PLD5: variants seen among roughly 807,000 people sequenced by gnomAD.
The protein encoded by PLD5 is phospholipase D family member 5.
In PLD5, 36 loss-of-function variants were observed where a neutral mutation model predicts 61.1. That is an observed-to-expected ratio of 0.59 (90% CI 0.45 to 0.78). The LOEUF (loss-of-function observed/expected upper bound fraction) is 0.78. PLD5 is among the 30% of genes least tolerant of loss of function. The pLI is 0.00. For missense variants in PLD5, 515 were observed against 644.4 expected (o/e 0.80, Z 2.17); for synonymous variants, 243 against 242.8 (o/e 1.00, Z -0.01).
At chr1:242,220,162 C>T in intron 4 of PLD5, 47 bp from the exon 5 acceptor site, 1 of 1,600,210 alleles carries the variant, frequency 6.2e-7, no homozygotes, top group Non-Finnish European at 8.6e-7. Flanking sequence ...CAAGGCCCTG[C>T]CTGGGCTGTC....
At chr1:242,344,166 T>C (rs1401910347) in intron 2 of PLD5, among the ~76,000 whole-genome samples, 1 of 152,244 alleles carries the variant, frequency 6.6e-6, no homozygotes, top group Non-Finnish European at 1.5e-5. Context: ...TTAATTTTTG[T>C]TGCTATTTCC....
At chr1:242,199,403 C>G (rs887059467) in intron 5 of PLD5, among the ~76,000 whole-genome samples, 6 of 151,510 alleles carry the variant, frequency 4.0e-5, no homozygotes, top group Non-Finnish European at 7.4e-5. Context: ...TACAGGCGCC[C>G]GCCACCACGC....
At chr1:242,302,829 C>G (rs1407678891) in intron 2 of PLD5, among the ~76,000 whole-genome samples, 1 of 152,108 alleles carries the variant, frequency 6.6e-6, no homozygotes, top group Non-Finnish European at 1.5e-5. Flanking sequence ...GTTTTTTCTT[C>G]TTCTTAATCT....
At chr1:242,225,762 G>A (rs772310597) in intron 4 of PLD5, among the ~76,000 whole-genome samples, 2 of 152,246 alleles carry the variant, frequency 1.3e-5, no homozygotes, top group Admixed American at 6.5e-5. Context: ...ACCACAGTTT[G>A]CTTATCCATT....
rs76363637 is a variant in PLD5 at position 242,255,625 on chromosome 1, C to T, written c.607+9712G>A. On this transcript the variant is annotated intron_variant, in intron 4 of 9. Coordinates refer to ENST00000536534, the MANE Select transcript of PLD5 (RefSeq NM_001372062.1). ...AAAAAATTACACATGCTTCTATGCT[C>T]AGATTTAGGAATATATTTTCCCTTT... is the stretch of plus-strand genomic sequence containing the variant. Among the ~76,000 whole-genome samples the T allele has an allele frequency of 7.2e-5, 11 of 152,302 alleles. No individual in the cohort carries two copies. The East Asian group carries it at 2.1e-3, about 29-fold the overall frequency.
chr1:242,476,612 A>G (rs1434164684), intron 1 of PLD5, among the ~76,000 whole-genome samples: 3 of 152,090 alleles, frequency 2.0e-5, no homozygotes, highest in African/African-American at 7.2e-5. Context: ...AGACAGCACT[A>G]AGATCTACAT....
At chr1:242,252,483 T>C (rs34917225) in intron 4 of PLD5, among the ~76,000 whole-genome samples, 26,814 of 152,036 alleles carry the variant, frequency 0.18, 2,433 homozygotes, top group South Asian at 0.25. Flanking sequence ...GAGGCCAAGG[T>C]GGGAGGATGG....
intron 1 of PLD5, among the ~76,000 whole-genome samples, chr1:242,399,419 A>G (rs2809985): frequency 0.43 from 64,787 of 152,068 alleles, 14,278 homozygotes; most frequent in African/African-American, 0.54. Context: ...TTCCAAGTAA[A>G]TGCATTCTGG....
chr1:242,386,682 A>G (rs941427793), intron 1 of PLD5, among the ~76,000 whole-genome samples: 4 of 152,218 alleles, frequency 2.6e-5, no homozygotes, highest in African/African-American at 9.6e-5. Context: ...GGCTAAAAAA[A>G]CAGATCAATA....
chr1:242,489,365 TAC>T (rs1287238873), intron 1 of PLD5, among the ~76,000 whole-genome samples: 1 of 123,254 alleles, frequency 8.1e-6, no homozygotes, highest in Non-Finnish European at 1.8e-5. Context: ...CACACCTCGA[TAC>T]ATTTGATTAA....
At chr1:242,137,135 C>T (rs894360887) in intron 5 of PLD5, among the ~76,000 whole-genome samples, 6 of 152,290 alleles carry the variant, frequency 3.9e-5, no homozygotes, top group South Asian at 4.1e-4. Flanking sequence ...ACACATAGCC[C>T]TCCTGGGCAA....
intron 2 of PLD5, among the ~76,000 whole-genome samples, chr1:242,334,600 A>C (rs1164811437): frequency 9.2e-5 from 14 of 152,132 alleles, no homozygotes; most frequent in Non-Finnish European, 1.5e-5. Flanking sequence ...CCCTGGGAGC[A>C]TAAAAATCAG....
chr1:242,171,981 AAT>A (rs1480698974), intron 5 of PLD5, among the ~76,000 whole-genome samples: 3 of 152,228 alleles, frequency 2.0e-5, no homozygotes, highest in Non-Finnish European at 4.4e-5. Context: ...ATATTAGACC[AAT>A]GAGACAGAAA....
At chr1:242,447,845 T>A (rs188819033) in intron 1 of PLD5, among the ~76,000 whole-genome samples, 10 of 152,322 alleles carry the variant, frequency 6.6e-5, no homozygotes, top group African/African-American at 2.4e-4. Context: ...ATGCGTATGT[T>A]TATGCCCATG....
At chr1:242,155,288 C>A (rs1386961791) in intron 5 of PLD5, among the ~76,000 whole-genome samples, 1 of 151,840 alleles carries the variant, frequency 6.6e-6, no homozygotes, top group African/African-American at 2.4e-5. Context: ...CTGATCTTTT[C>A]AAAAAAACCA....
In PLD5 at chr1:242,393,786, G is replaced by A. The variant is rs61848726; in HGVS notation, c.190-45544C>T. Among the ~76,000 whole-genome samples, 563 of 148,336 alleles carry A rather than the reference G, an allele frequency of 3.8e-3. 6 individuals are homozygous for A. The highest frequency in any genetic ancestry group is 5.4e-3 in the Non-Finnish European group (361 of 67,400). On this transcript the variant is annotated intron_variant, in intron 1 of 9. Coordinates refer to ENST00000536534, the MANE Select transcript of PLD5 (RefSeq NM_001372062.1). ...TATATAAGTATTTTTAGGCAGGGCC[G>A]CAGTGGCTCACGCCTGTATTCTCAG...
At chr1:242,139,159 C>G (rs965907292) in intron 5 of PLD5, among the ~76,000 whole-genome samples, 2 of 152,102 alleles carry the variant, frequency 1.3e-5, no homozygotes, top group South Asian at 4.1e-4. Context: ...TCAGTAACCC[C>G]AGGTCTGCCT....
At chr1:242,100,146 A>C (rs1660573548) in intron 9 of PLD5, among the ~76,000 whole-genome samples, 1 of 152,234 alleles carries the variant, frequency 6.6e-6, no homozygotes. Context: ...TACTATTATT[A>C]ACCCCATCTT....
intron 2 of PLD5, among the ~76,000 whole-genome samples, chr1:242,311,787 T>C (rs1676712167): frequency 6.6e-6 from 1 of 152,196 alleles, no homozygotes; most frequent in South Asian, 2.1e-4. Context: ...TCATTGTTTC[T>C]TCAAATAATC....
Sources: allele counts gnomAD v4.1 joint callset (sites outside exome capture counted in the v4.1 genomes callset), GRCh38; gene constraint gnomAD v4.1.1; transcripts MANE v1.5; gene names NCBI Gene and HGNC (gene_info 2026-07-23, HGNC 2026-07-21).